Variants in GPC5 observed in about 807,000 individuals in gnomAD.
GPC5 encodes the protein glypican-5.
A neutral mutation model predicts 53.9 loss-of-function variants in GPC5; 47 were observed. The observed-to-expected ratio is 0.87, with a 90% CI of 0.69 to 1.11. GPC5 has a LOEUF of 1.11. GPC5 is among the 50% of genes most tolerant of loss of function. The pLI is 0.00. For synonymous variants in GPC5, 286 were observed against 263.3 expected (o/e 1.09, Z -0.84); for missense variants, 748 against 713.1 (o/e 1.05, Z -0.56).
At chr13:92,508,894 C>T (rs1173550945) in intron 7 of GPC5, among the ~76,000 whole-genome samples, 1 of 152,110 alleles carries the variant, frequency 6.6e-6, no homozygotes, top group Non-Finnish European at 1.5e-5. Context: ...ATTTTAAGCA[C>T]TCAATTTATT....
At chr13:91,672,526 C>T (rs1218618573) in intron 2 of GPC5, among the ~76,000 whole-genome samples, 1 of 152,104 alleles carries the variant, frequency 6.6e-6, no homozygotes, top group Non-Finnish European at 1.5e-5. Flanking sequence ...AAATCAAAAC[C>T]ACAATGACAT....
chr13:92,473,153 C>T (rs779645838), intron 7 of GPC5, among the ~76,000 whole-genome samples: 1 of 152,040 alleles, frequency 6.6e-6, no homozygotes, highest in African/African-American at 2.4e-5. Context: ...TTTCATCCAT[C>T]GTCTAGATCT....
chr13:91,604,310 C>T (rs898120869), intron 2 of GPC5, among the ~76,000 whole-genome samples: 3 of 145,740 alleles, frequency 2.1e-5, no homozygotes, highest in Non-Finnish European at 4.5e-5. Flanking sequence ...GCATAGTATT[C>T]CATGGTGTAT....
chr13:91,887,662 C>G (rs2039339961), intron 5 of GPC5, among the ~76,000 whole-genome samples: 1 of 152,176 alleles, frequency 6.6e-6, no homozygotes, highest in South Asian at 2.1e-4. Context: ...TTCCATAGAT[C>G]TCTGGGGCAA....
intron 7 of GPC5, among the ~76,000 whole-genome samples, chr13:92,693,885 C>T (rs1887483350): frequency 6.6e-6 from 1 of 152,198 alleles, no homozygotes; most frequent in Admixed American, 6.5e-5. Flanking sequence ...ATCTTCACGA[C>T]AGCCCCTTCC....
Position 92,713,344 on chromosome 13 carries a change from G to A in GPC5, c.1562-152938G>A, listed in dbSNP as rs533854536. On this transcript the variant is annotated intron_variant, in intron 7 of 7. Transcript: ENST00000377067. ...GTGGTGGCTCACGCTTGTAATCCCA[G>A]CACTTTGGGAGGCTGAGGCGGGTGG... 8.6e-5 allele frequency among the ~76,000 whole-genome samples: 13 copies of A among 151,444 alleles called. No individual in the cohort carries two copies. The South Asian group carries it at 2.3e-3, about 27-fold the overall frequency.
At chr13:92,471,441 G>T (rs990492007) in intron 7 of GPC5, among the ~76,000 whole-genome samples, 1 of 151,986 alleles carries the variant, frequency 6.6e-6, no homozygotes, top group Non-Finnish European at 1.5e-5. Context: ...AAAGAAACAC[G>T]CTGAGGTCTT....
At chr13:91,973,027 G>C (rs1187617133) in intron 6 of GPC5, among the ~76,000 whole-genome samples, 2 of 152,132 alleles carry the variant, frequency 1.3e-5, no homozygotes, top group African/African-American at 4.8e-5. Flanking sequence ...TTGCTAGATT[G>C]GGGGAGTTCT....
chr13:91,685,219 C>G (rs1189385460), intron 2 of GPC5, among the ~76,000 whole-genome samples: 1 of 152,146 alleles, frequency 6.6e-6, no homozygotes, highest in Non-Finnish European at 1.5e-5. Context: ...GTGGGGGAGT[C>G]TCTGGAGCCC....
At chr13:92,798,823 C>T (rs1229603878) in intron 7 of GPC5, among the ~76,000 whole-genome samples, 1 of 151,776 alleles carries the variant, frequency 6.6e-6, no homozygotes, top group Admixed American at 6.6e-5. Flanking sequence ...TTGTAAGTCA[C>T]GTGAATTTAA....
At chr13:91,485,852 C>T (rs984464802) in intron 2 of GPC5, 6 of 152,156 alleles carry the variant, frequency 3.9e-5, no homozygotes, top group African/African-American at 1.4e-4. Flanking sequence ...TCGTATGAAG[C>T]AAGGTGCATA....
intron 7 of GPC5, among the ~76,000 whole-genome samples, chr13:92,620,990 ACAGTC>A (rs1284566828): frequency 2.6e-5 from 4 of 152,224 alleles, no homozygotes; most frequent in African/African-American, 9.6e-5. Context: ...AAATCAAAAC[ACAGTC>A]AATGTAAAAT....
intron 5 of GPC5, among the ~76,000 whole-genome samples, chr13:91,812,321 A>T (rs1159970632): frequency 6.6e-6 from 1 of 152,166 alleles, no homozygotes; most frequent in Non-Finnish European, 1.5e-5. Flanking sequence ...TAAAACACAT[A>T]AATTTTTTGT....
intron 2 of GPC5, among the ~76,000 whole-genome samples, chr13:91,639,204 A>G (rs2034358616): frequency 6.6e-6 from 1 of 152,216 alleles, no homozygotes; most frequent in East Asian, 1.9e-4. Flanking sequence ...TTATAGGTAA[A>G]CAGATATAAG....
intron 7 of GPC5, among the ~76,000 whole-genome samples, chr13:92,807,587 C>T (rs147978487): frequency 6.6e-6 from 1 of 151,952 alleles, no homozygotes; most frequent in Non-Finnish European, 1.5e-5. Context: ...GTAAAGCAAC[C>T]GCGTTTGTTT....
chr13:91,646,971 A>G (rs966291785), intron 2 of GPC5, among the ~76,000 whole-genome samples: 5 of 152,204 alleles, frequency 3.3e-5, no homozygotes, highest in Non-Finnish European at 7.3e-5. Context: ...TATAACATCC[A>G]TAAAATCATT....
At chr13:92,624,626 C>A (rs1325431651) in intron 7 of GPC5, among the ~76,000 whole-genome samples, 1 of 152,190 alleles carries the variant, frequency 6.6e-6, no homozygotes, top group Non-Finnish European at 1.5e-5. Flanking sequence ...TGCATTGGTT[C>A]TCTAAGCCCC....
At chr13:92,505,752 C>T (rs1036020761) in intron 7 of GPC5, among the ~76,000 whole-genome samples, 1 of 152,000 alleles carries the variant, frequency 6.6e-6, no homozygotes, top group Non-Finnish European at 1.5e-5. Flanking sequence ...TGATACATCC[C>T]GACTATAGAA....
At chr13:92,212,480 C>T (rs1467063349) in intron 7 of GPC5, among the ~76,000 whole-genome samples, 1 of 152,154 alleles carries the variant, frequency 6.6e-6, no homozygotes, top group Non-Finnish European at 1.5e-5. Flanking sequence ...CTTTGGAACT[C>T]TTCCATTGCT....
Sources: gnomAD v4.1 joint callset for allele counts (sites outside exome capture counted in the v4.1 genomes callset) on GRCh38, gnomAD v4.1.1 for gene constraint, MANE v1.5 for transcripts, NCBI Gene and HGNC (gene_info 2026-07-23, HGNC 2026-07-21) for gene names.